GTPBP3: variants seen among roughly 807,000 people sequenced by gnomAD.
GTPBP3 encodes 5-taurinomethyluridine-[tRNA] synthase subunit GTPB3, mitochondrial.
GTPBP3 carries 35 observed loss-of-function variants against 42.0 expected under a neutral mutation model. The observed-to-expected ratio is 0.83, with a 90% CI of 0.64 to 1.10. GTPBP3 has a LOEUF of 1.10. GTPBP3 is among the 50% of genes least tolerant of loss of function. The pLI is 0.00. For missense variants in GTPBP3, 691 were observed against 685.2 expected, an observed-to-expected ratio of 1.01 and a Z score of -0.09; for synonymous variants, 332 against 314.9, an observed-to-expected ratio of 1.05 and a Z score of -0.58.
Position 17,339,469 on chromosome 19 carries a change from G to A in GTPBP3, c.844G>A (p.Gly282Arg). The A allele has an allele frequency of 6.2e-7, 1 of 1,613,960 alleles. No homozygotes were observed. The highest frequency in any genetic ancestry group is 1.3e-5 in the African/African-American group (1 of 75,042). ...TGTGTCCATCGTGTCCCCGGAGCCAGGGACCACCCGTGACGTGCTGGAGAC... is the reference window on the plus strand; with the variant it reads ...TGTGTCCATCGTGTCCCCGGAGCCAAGGACCACCCGTGACGTGCTGGAGAC... ...KPVSIVSPEP[G>R]TTRDVLETPV... Residue 282 changes from glycine (G) to arginine (R), a missense_variant, in exon 7 of 9, where the codon GGG becomes AGG. Physicochemically the swap from Gly to Arg is moderately radical, Grantham distance 125. Coordinates refer to ENST00000324894, the MANE Select transcript of GTPBP3 (RefSeq NM_032620.4).
At position 17,341,838 on chromosome 19, in the gene GTPBP3, TGAGAGGTAGTGAGA is replaced by T; in HGVS notation, c.*136_*149del. On this transcript the variant is annotated 3_prime_UTR_variant, in exon 9 of 9. Transcript: ENST00000324894. Reference sequence around the variant, plus strand: ...TTCTCAAATAGTGAAGCAACACAGCTGAGAGGTAGTGAGATCCCTGCAGGGACTCCCTGGAGATT... The same window carrying T: ...TTCTCAAATAGTGAAGCAACACAGCTTCCCTGCAGGGACTCCCTGGAGATT... The T allele has an allele frequency of 4.2e-6, 3 of 720,650 alleles. No homozygotes were observed. Among genetic ancestry groups the T allele is most frequent in the Non-Finnish European group, 6.7e-6 (3 of 449,604 alleles). 44.6% of individuals were successfully genotyped at this position (720,650 alleles called of 1,614,324 possible). A position where few individuals can be genotyped will look rare whatever the true frequency, so the allele number is the denominator to read the frequency against.
rs760178739 is a variant in GTPBP3 at position 17,339,262 on chromosome 19, G to C, written c.804G>C (p.Leu268=). The stretch of plus-strand genomic sequence containing the variant: ...CGGGCAAGAGCAGCCTAGTGAACCT[G>C]CTCAGTGAGTAGGCGGCGGGAAGGG... ...PNAGKSSLVN[L]LSRKPVSIVS... The change falls in exon 6 of 9, where the codon CTG becomes CTC. Residue 268 remains leucine (L), a synonymous_variant. Transcript: ENST00000324894. 2 of 1,602,866 alleles carry C rather than the reference G, an allele frequency of 1.2e-6. No individual in the cohort carries two copies. Among genetic ancestry groups the C allele is most frequent in the Admixed American group, 3.4e-5 (2 of 59,564 alleles).
At position 17,337,763 on chromosome 19, in the gene GTPBP3, A is replaced by G. The variant is rs2074380590; in HGVS notation, c.53+99A>G. 5 of 1,351,344 alleles carry G rather than the reference A, an allele frequency of 3.7e-6. No individual in the cohort carries two copies. In the East Asian group the frequency reaches 1.4e-4, roughly 37 times the overall value. 83.7% of individuals were successfully genotyped at this position (1,351,344 alleles called of 1,614,324 possible). A position where few individuals can be genotyped will look rare whatever the true frequency, so the allele number is the denominator to read the frequency against. On this transcript the variant is annotated intron_variant, in intron 1 of 8. Coordinates refer to ENST00000324894, the MANE Select transcript of GTPBP3 (RefSeq NM_032620.4). ...GGGCCCAATTCCCTGCGGCAGAGCAATCATTCGCGTTCTTCCGTGCCTCAA... is the reference window on the plus strand; with the variant it reads ...GGGCCCAATTCCCTGCGGCAGAGCAGTCATTCGCGTTCTTCCGTGCCTCAA...
In GTPBP3 at chr19:17,342,483, G is replaced by T. The variant is rs2074443026; in HGVS notation, c.*780G>T. On this transcript the variant is annotated 3_prime_UTR_variant, in exon 9 of 9. Transcript: ENST00000324894. ...AGGTTTCACCATGTTGACCAGGCTGGTCTTGAACTCCTTGACCTCAGGTAA... is the reference window on the plus strand; with the variant it reads ...AGGTTTCACCATGTTGACCAGGCTGTTCTTGAACTCCTTGACCTCAGGTAA... 1 of 152,202 alleles carries T rather than the reference G, an allele frequency of 6.6e-6. No individual in the cohort carries two copies. The highest frequency in any genetic ancestry group is 1.5e-5 in the Non-Finnish European group (1 of 68,084). The allele number at this position is 152,202 out of a possible 1,614,324, so 9.4% of individuals were successfully genotyped here.
Position 17,338,371 on chromosome 19 carries a change from A to C in GTPBP3, c.308A>C (p.Gln103Pro). 1 of 1,614,130 alleles carries C rather than the reference A, an allele frequency of 6.2e-7. No individual in the cohort carries two copies. The highest frequency in any genetic ancestry group is 8.5e-7 in the Non-Finnish European group (1 of 1,180,020). The part of the protein sequence containing the change: ...RALVLWFPGP[Q>P]SFTGEDCVEF... ...CACCTGTCTGTCACATTAGGTCCCC[A>C]GAGTTTCACCGGTGAGGACTGCGTG... Residue 103 changes from glutamine to proline, a missense_variant, in exon 3 of 9, where the codon CAG (glutamine) becomes CCG (proline). By Grantham distance (76) the Gln-to-Pro change is moderately conservative. Coordinates refer to ENST00000324894, the MANE Select transcript of GTPBP3 (RefSeq NM_032620.4).
Position 17,339,234 on chromosome 19 carries a change from A to T in GTPBP3, c.776A>T (p.Asn259Ile). ...CACGTAGTGGTCACTGGACCCCCCA[A>T]TGCGGGCAAGAGCAGCCTAGTGAAC... Reference protein sequence around the residue: ...GVHVVVTGPPNAGKSSLVNLL... With the variant: ...GVHVVVTGPPIAGKSSLVNLL... Residue 259 changes from asparagine to isoleucine, a missense_variant, in exon 6 of 9, where the codon AAT becomes ATT. Transcript: ENST00000324894. 6.2e-7 allele frequency: 1 copy of T among 1,610,998 alleles called. No homozygotes were observed. The highest frequency in any genetic ancestry group is 8.5e-7 in the Non-Finnish European group (1 of 1,179,502).
Position 17,341,658 on chromosome 19 carries a change from G to A in GTPBP3, c.1434G>A (p.Glu478=), listed in dbSNP as rs1459396819. 3 of 1,606,490 alleles carry A rather than the reference G, an allele frequency of 1.9e-6. No homozygotes were observed. In the Admixed American group the frequency reaches 5.0e-5, roughly 27 times the overall value. The part of the protein sequence containing the change: ...LTRLTGGGGT[E]EILDIIFQDF... ...GGCTCACAGGTGGAGGGGGTACCGA[G>A]GAGATCCTGGACATCATCTTCCAGG... The change falls in exon 9 of 9, where the codon GAG becomes GAA. Residue 478 remains glutamate (E), a synonymous_variant. Transcript: ENST00000324894.
Position 17,339,151 on chromosome 19 carries a change from G to A in GTPBP3, c.693G>A (p.Val231=). 1 of 1,614,008 alleles carries A rather than the reference G, an allele frequency of 6.2e-7. No homozygotes were observed. Among genetic ancestry groups the A allele is most frequent in the Non-Finnish European group, 8.5e-7 (1 of 1,180,040 alleles). Residue 231 remains valine (V), a synonymous_variant, in exon 6 of 9, where the codon GTG becomes GTA. Coordinates refer to ENST00000324894, the MANE Select transcript of GTPBP3 (RefSeq NM_032620.4). The stretch of plus-strand genomic sequence containing the variant: ...ACATCGAAGTACGGGCACTGCAGGT[G>A]GCCCTGGGTGCACATCTACGAGATG... ...QADIEVRALQ[V]ALGAHLRDAR...
At position 17,341,965 on chromosome 19, in the gene GTPBP3, T is replaced by C. The variant is rs927246412; in HGVS notation, c.*262T>C. The C allele has an allele frequency of 1.3e-5, 5 of 388,484 alleles. No homozygotes were observed. Among genetic ancestry groups the C allele is most frequent in the Non-Finnish European group, 2.3e-5 (5 of 219,990 alleles). The allele number at this position is 388,484 out of a possible 1,614,324, so 24.1% of individuals were successfully genotyped here. A position where few individuals can be genotyped will look rare whatever the true frequency, so the allele number is the denominator to read the frequency against. On this transcript the variant is annotated 3_prime_UTR_variant, in exon 9 of 9. Transcript: ENST00000324894. ...TGGGATGGAGATAGGAGGATCTCAG[T>C]ATATTTGTTTCGTAGTTTTTTATTT...
upstream of GTPBP3, chr19:17,337,535 C>G: frequency 7.7e-7 from 1 of 1,290,464 alleles, no homozygotes; most frequent in Non-Finnish European, 9.9e-7. Flanking sequence ...AGTCAAGCCG[C>G]GGAGTGGGCG....
rs2074385831 is a variant in GTPBP3, at chr19:17,338,130, G to A, written c.176G>A (p.Gly59Asp). The A allele has an allele frequency of 6.3e-7, 1 of 1,596,246 alleles. No individual in the cohort carries two copies. The highest frequency in any genetic ancestry group is 8.5e-7 in the Non-Finnish European group (1 of 1,178,172). ...AVIRTSGPAS[G>D]HALRILTAPR... ...ATCCGGACCAGCGGCCCCGCCAGCG[G>A]CCACGCCCTCCGAATTCTCACAGCA... Residue 59 changes from glycine to aspartate, a missense_variant, in exon 2 of 9, where the codon GGC becomes GAC. Physicochemically the swap from Gly to Asp is moderately conservative, Grantham distance 94 (BLOSUM62 -1). Transcript: ENST00000324894.
chr19:17,337,970 C>T (rs1254100315), intron 1 of GTPBP3, 38 bp from the exon 2 acceptor site: 1 of 1,589,942 alleles, frequency 6.3e-7, no homozygotes, highest in Non-Finnish European at 8.5e-7. Flanking sequence ...GAGGCTGAGC[C>T]TCCCAGGTGC....
At chr19:17,340,864 C>A in intron 7 of GTPBP3, 180 bp from the exon 8 acceptor site, 1 of 614,716 alleles carries the variant, frequency 1.6e-6, no homozygotes, top group Non-Finnish European at 2.8e-6. Flanking sequence ...TCTGCCCCAC[C>A]CCCTGTGCTC....
In GTPBP3 at chr19:17,338,948, C is replaced by A. The variant is rs746411419; in HGVS notation, c.592-6C>A. On this transcript the variant is annotated splice_region_variant and splice_polypyrimidine_tract_variant and intron_variant, in intron 4 of 8. Coordinates refer to ENST00000324894, the MANE Select transcript of GTPBP3 (RefSeq NM_032620.4). Reference sequence around the variant, plus strand: ...CACACCACCTCTGCTCTCCCTGCCCCGCCAGGCTCTGGCCCACGTGGAGGC... The same window carrying A: ...CACACCACCTCTGCTCTCCCTGCCCAGCCAGGCTCTGGCCCACGTGGAGGC... 5.0e-6 allele frequency: 8 copies of A among 1,589,086 alleles called. No homozygotes were observed. In the South Asian group the frequency reaches 8.1e-5, roughly 16 times the overall value.
upstream of GTPBP3, among the ~76,000 whole-genome samples, chr19:17,336,120 C>T (rs2074365231): frequency 1.3e-5 from 2 of 151,356 alleles, no homozygotes; most frequent in South Asian, 2.1e-4. Flanking sequence ...CCTGTAGTCC[C>T]AGCTACTTGG....
intron 7 of GTPBP3, 142 bp downstream of exon 7, chr19:17,339,741 T>A (rs1050254051): frequency 2.4e-4 from 51 of 213,974 alleles, no homozygotes; most frequent in Non-Finnish European, 3.6e-4. Context: ...TTTGGTTCTT[T>A]TTTTTTTTTT....
rs768839383 is a variant in GTPBP3, at chr19:17,342,551, G to A, written c.*848G>A. ...CCCAAAGTGCTGGGATCACAGGCGTGAGCTATCACACCTGGCCCCAGAAGT... is the reference window on the plus strand; with the variant it reads ...CCCAAAGTGCTGGGATCACAGGCGTAAGCTATCACACCTGGCCCCAGAAGT... On this transcript the variant is annotated 3_prime_UTR_variant, in exon 9 of 9. Coordinates refer to ENST00000324894, the MANE Select transcript of GTPBP3 (RefSeq NM_032620.4). 1 of 152,044 alleles carries A rather than the reference G, an allele frequency of 6.6e-6. No homozygotes were observed. The highest frequency in any genetic ancestry group is 1.5e-5 in the Non-Finnish European group (1 of 68,034). 9.4% of individuals were successfully genotyped at this position (152,044 alleles called of 1,614,324 possible).
rs1379290335 is a variant in GTPBP3, at chr19:17,337,661, G to T, written c.50G>T (p.Arg17Leu). ...GCGGCCCAAGCGGCACGTGGGCCTC[G>T]CAGGTGGGGCTACAGGGGAAGGGGT... ...TLAAQAARGP[R>L]RLCTRRSSGA... is the part of the protein sequence containing the mutation. The change falls in exon 1 of 9, where the codon CGC (arginine) becomes CTC (leucine). Residue 17 changes from arginine (R) to leucine (L), a missense_variant. Coordinates refer to ENST00000324894, the MANE Select transcript of GTPBP3 (RefSeq NM_032620.4). 2.3e-6 allele frequency: 3 copies of T among 1,331,160 alleles called. No homozygotes were observed. Among genetic ancestry groups the T allele is most frequent in the Non-Finnish European group, 2.9e-6 (3 of 1,035,728 alleles). The allele number at this position is 1,331,160 out of a possible 1,614,324, so 82.5% of individuals were successfully genotyped here. A position where few individuals can be genotyped will look rare whatever the true frequency, so the allele number is the denominator to read the frequency against.
rs758525854 is a variant in GTPBP3, at chr19:17,341,506, C to T, written c.1282C>T (p.Leu428=). The change falls in exon 9 of 9, where the codon CTG becomes TTG. Residue 428 remains leucine (L), a synonymous_variant. Transcript: ENST00000324894. ...TGGGGACCCGTCCACAGATCCCCCGCTGCTGACCCGAGCAAGGCACCAGCA... is the reference window on the plus strand; with the variant it reads ...TGGGGACCCGTCCACAGATCCCCCGTTGCTGACCCGAGCAAGGCACCAGCA... ...VCGDPSTDPP[L]LTRARHQHHL... is the part of the protein sequence containing the mutation. 5.0e-6 allele frequency: 8 copies of T among 1,612,948 alleles called. No homozygotes were observed. The African/African-American group carries it at 8.0e-5, about 16-fold the overall frequency.
Sources: gnomAD v4.1 joint callset for allele counts (sites outside exome capture counted in the v4.1 genomes callset) on GRCh38, gnomAD v4.1.1 for gene constraint, MANE v1.5 for transcripts, NCBI Gene and HGNC (gene_info 2026-07-23, HGNC 2026-07-21) for gene names.